Variants in ANO3 observed in about 807,000 individuals in gnomAD.
ANO3 encodes anoctamin 3.
ANO3 carries 99 observed loss-of-function variants against 144.8 expected under a neutral mutation model. That is an observed-to-expected ratio of 0.68 (90% CI 0.58 to 0.81). The LOEUF (loss-of-function observed/expected upper bound fraction) is 0.81. Ranked by LOEUF, ANO3 falls within the 30% of genes least tolerant of loss-of-function variation. ANO3 has a pLI of 0.00. For missense variants in ANO3, 905 were observed against 1,202.2 expected, an observed-to-expected ratio of 0.75 and a Z score of 3.66; for synonymous variants, 414 against 392.6, an observed-to-expected ratio of 1.05 and a Z score of -0.64.
chr11:26,242,742 T>G (rs1467565452), intron 1 of ANO3, among the ~76,000 whole-genome samples: 1 of 152,194 alleles, frequency 6.6e-6, no homozygotes, highest in Non-Finnish European at 1.5e-5. Context: ...TCTGATTTTC[T>G]CATCCCGAAA....
At chr11:26,428,756 T>A (rs1378740928) in intron 1 of ANO3, among the ~76,000 whole-genome samples, 1 of 151,742 alleles carries the variant, frequency 6.6e-6, no homozygotes, top group Non-Finnish European at 1.5e-5. Flanking sequence ...TGTGTGTGTA[T>A]GTGTTTATCA....
At chr11:26,301,874 A>G (rs1854241738) in intron 1 of ANO3, among the ~76,000 whole-genome samples, 1 of 152,216 alleles carries the variant, frequency 6.6e-6, no homozygotes, top group South Asian at 2.1e-4. Flanking sequence ...AGAGTGAGAT[A>G]GACCTTTACA....
intron 1 of ANO3, among the ~76,000 whole-genome samples, chr11:26,190,514 A>G (rs1402305502): frequency 6.6e-6 from 1 of 152,170 alleles, no homozygotes; most frequent in African/African-American, 2.4e-5. Context: ...ACAGATGTAC[A>G]TAGCTTTTTA....
At chr11:26,416,287 G>T (rs1857583907) in intron 1 of ANO3, among the ~76,000 whole-genome samples, 1 of 151,978 alleles carries the variant, frequency 6.6e-6, no homozygotes, top group Non-Finnish European at 1.5e-5. Context: ...TATTTGTTGT[G>T]TTAAGAAAAA....
chr11:26,211,548 ACAT>A (rs1477507317), intron 1 of ANO3, among the ~76,000 whole-genome samples: 1 of 152,230 alleles, frequency 6.6e-6, no homozygotes, highest in Non-Finnish European at 1.5e-5. Context: ...AATCATTAAA[ACAT>A]CAGAAAACAA....
At chr11:26,576,279 CT>C (rs1850983892) in intron 14 of ANO3, among the ~76,000 whole-genome samples, 1 of 152,132 alleles carries the variant, frequency 6.6e-6, no homozygotes, top group Non-Finnish European at 1.5e-5. Flanking sequence ...GACACTACTT[CT>C]TAGTTGTGTG....
At chr11:26,430,876 AC>A (rs975227456) in intron 1 of ANO3, among the ~76,000 whole-genome samples, 24 of 152,234 alleles carry the variant, frequency 1.6e-4, no homozygotes, top group African/African-American at 5.5e-4. Context: ...TGTATAGAAA[AC>A]AAAAATTTTC....
chr11:26,301,657 G>A (rs1854235700), intron 1 of ANO3, among the ~76,000 whole-genome samples: 1 of 152,172 alleles, frequency 6.6e-6, no homozygotes, highest in Non-Finnish European at 1.5e-5. Context: ...AGGAAGAAGA[G>A]AGACAGAGAA....
At chr11:26,269,185 A>G (rs1302712052) in intron 1 of ANO3, among the ~76,000 whole-genome samples, 1 of 152,056 alleles carries the variant, frequency 6.6e-6, no homozygotes, top group East Asian at 1.9e-4. Context: ...CACCCTCCAT[A>G]CTGGCCAAGC....
At chr11:26,483,647 T>C (rs569109505) in intron 4 of ANO3, among the ~76,000 whole-genome samples, 1 of 152,316 alleles carries the variant, frequency 6.6e-6, no homozygotes, top group South Asian at 2.1e-4. Flanking sequence ...TAAACCTCTG[T>C]TCTTTATAAA....
At chr11:26,416,592 AG>A (rs1857594399) in intron 1 of ANO3, among the ~76,000 whole-genome samples, 1 of 151,884 alleles carries the variant, frequency 6.6e-6, no homozygotes. Context: ...ATGCCCAGCT[AG>A]TTTTTTGTAT....
chr11:26,221,153 G>A (rs886411830), intron 1 of ANO3, among the ~76,000 whole-genome samples: 1 of 152,178 alleles, frequency 6.6e-6, no homozygotes, highest in Non-Finnish European at 1.5e-5. Flanking sequence ...GGTAATCGAA[G>A]GAATGTGGTG....
At chr11:26,461,191 C>A (rs1012137827) in intron 3 of ANO3, among the ~76,000 whole-genome samples, 1 of 152,084 alleles carries the variant, frequency 6.6e-6, no homozygotes, top group African/African-American at 2.4e-5. Context: ...AATAAAAACA[C>A]AAAACACTCT....
intron 1 of ANO3, among the ~76,000 whole-genome samples, chr11:26,319,838 ATTTC>A (rs1256091523): frequency 1.3e-5 from 2 of 151,490 alleles, no homozygotes; most frequent in Non-Finnish European, 2.9e-5. Flanking sequence ...TTTTAAAAAT[ATTTC>A]TTTCTATTTT....
At chr11:26,353,519 G>A (rs1461860601) in intron 1 of ANO3, among the ~76,000 whole-genome samples, 1 of 152,086 alleles carries the variant, frequency 6.6e-6, no homozygotes, top group African/African-American at 2.4e-5. Flanking sequence ...GCTAATCTCA[G>A]CCACGTTCCT....
At chr11:26,370,104 T>A (rs907669004) in intron 1 of ANO3, among the ~76,000 whole-genome samples, 3 of 152,208 alleles carry the variant, frequency 2.0e-5, no homozygotes, top group South Asian at 2.1e-4. Context: ...GGCTGTGTTC[T>A]CACCCATATC....
intron 1 of ANO3, among the ~76,000 whole-genome samples, chr11:26,211,444 A>C (rs1018269753): frequency 6.6e-6 from 1 of 152,158 alleles, no homozygotes; most frequent in Non-Finnish European, 1.5e-5. Context: ...TTATGTGGCC[A>C]ATGAACATAT....
intron 3 of ANO3, among the ~76,000 whole-genome samples, chr11:26,446,765 G>T (rs1438995760): frequency 6.6e-6 from 1 of 152,092 alleles, no homozygotes; most frequent in Non-Finnish European, 1.5e-5. Context: ...AAATAAAAAG[G>T]TATAACTTCA....
At chr11:26,561,083 T>C in intron 14 of ANO3, 1 of 1,611,258 alleles carries the variant, frequency 6.2e-7, no homozygotes, top group Non-Finnish European at 8.5e-7. Context: ...AAGTACGAAG[T>C]GGAGGTATGT....
Sources: gnomAD v4.1 joint callset for allele counts (sites outside exome capture counted in the v4.1 genomes callset) on GRCh38, gnomAD v4.1.1 for gene constraint, MANE v1.5 for transcripts, NCBI Gene and HGNC (gene_info 2026-07-23, HGNC 2026-07-21) for gene names.